The following DLC1 variants were observed in gnomAD, a reference collection of about 807,000 sequenced individuals.
DLC1 encodes the protein rho GTPase-activating protein 7.
DLC1 carries 54 observed loss-of-function variants against 140.3 expected under a neutral mutation model. The ratio of observed to expected loss-of-function variants is 0.38; its 90% CI spans 0.31 to 0.48. The LOEUF (loss-of-function observed/expected upper bound fraction) is 0.48. Ranked by LOEUF, DLC1 falls within the 20% of genes least tolerant of loss-of-function variation. The pLI, the probability that DLC1 is intolerant of heterozygous loss-of-function variation, is 0.96. For missense variants in DLC1, 2,536 were observed against 1,907.0 expected (o/e 1.33, Z -6.14); for synonymous variants, 986 against 728.1 (o/e 1.35, Z -5.70).
chr8:13,138,405 C>G (rs1446065833), intron 5 of DLC1, among the ~76,000 whole-genome samples: 7 of 152,218 alleles, frequency 4.6e-5, no homozygotes, highest in African/African-American at 1.4e-4. Flanking sequence ...TTAATTTTAA[C>G]TTTGGGCTTT....
At chr8:13,524,082 C>T (rs13281337) in intron 1 of DLC1, among the ~76,000 whole-genome samples, 18,382 of 149,418 alleles carry the variant, frequency 0.12, 1,500 homozygotes, top group Non-Finnish European at 0.19. Context: ...CTCAGCTAGC[C>T]ACCATCACAG....
At chr8:13,304,640 C>T (rs1409423001) in intron 5 of DLC1, 11 of 909,868 alleles carry the variant, frequency 1.2e-5, no homozygotes, top group East Asian at 1.2e-4. Context: ...AATCTGTTTT[C>T]GTTTTTATTA....
chr8:13,465,192 C>A (rs1799875656), intron 2 of DLC1, among the ~76,000 whole-genome samples: 1 of 152,114 alleles, frequency 6.6e-6, no homozygotes, highest in African/African-American at 2.4e-5. Context: ...TTATTATGAG[C>A]AGTAATGCAA....
At chr8:13,481,249 A>T (rs1219185156) in intron 2 of DLC1, among the ~76,000 whole-genome samples, 2 of 151,988 alleles carry the variant, frequency 1.3e-5, no homozygotes, top group Admixed American at 1.3e-4. Flanking sequence ...ATATGACAAA[A>T]CCCCATCTCC....
chr8:13,348,599 G>C (rs949825534), intron 4 of DLC1, among the ~76,000 whole-genome samples: 6 of 152,162 alleles, frequency 3.9e-5, no homozygotes, highest in Admixed American at 3.9e-4. Flanking sequence ...TAGGAATGGA[G>C]GGCATGGTTT....
At chr8:13,170,202 G>T (rs995161254) in intron 5 of DLC1, among the ~76,000 whole-genome samples, 2 of 152,156 alleles carry the variant, frequency 1.3e-5, no homozygotes, top group African/African-American at 4.8e-5. Context: ...ATTCTTTAGA[G>T]ATGGAGATGT....
chr8:13,440,221 T>C (rs553010615), intron 2 of DLC1, among the ~76,000 whole-genome samples: 2 of 152,292 alleles, frequency 1.3e-5, no homozygotes, highest in Admixed American at 1.3e-4. Flanking sequence ...CTTGTAGAAA[T>C]AGGGTTCTAT....
chr8:13,503,771 A>G (rs935932662), intron 1 of DLC1, among the ~76,000 whole-genome samples: 9 of 152,210 alleles, frequency 5.9e-5, no homozygotes, highest in Non-Finnish European at 1.3e-4. Context: ...CCTGAATTGT[A>G]TAGTCTACCT....
At chr8:13,569,978 A>G (rs1375187722) in intron 1 of DLC1, among the ~76,000 whole-genome samples, 1 of 152,210 alleles carries the variant, frequency 6.6e-6, no homozygotes, top group Non-Finnish European at 1.5e-5. Flanking sequence ...CTCCTGTCTC[A>G]GCCTTCCCAA....
chr8:13,256,550 G>A (rs887886313), intron 5 of DLC1, among the ~76,000 whole-genome samples: 5 of 152,074 alleles, frequency 3.3e-5, no homozygotes, highest in Admixed American at 3.3e-4. Context: ...GCCATAAAAA[G>A]GAATGAGTTC....
chr8:13,170,714 A>G (rs1825413435), intron 5 of DLC1, among the ~76,000 whole-genome samples: 1 of 145,376 alleles, frequency 6.9e-6, no homozygotes, highest in Non-Finnish European at 1.5e-5. Flanking sequence ...TGGGCGACAG[A>G]GCAAGACTCC....
chr8:13,385,163 G>T lies in DLC1; in HGVS notation c.1314+8390C>A, dbSNP rs73205746. ...TTAGTGCTTGTTTGCATCATTCTCT[G>T]CATTTCATATTATAACTAATTTGGT... On this transcript the variant is annotated intron_variant, in intron 4 of 17. Coordinates refer to ENST00000276297, the MANE Select transcript of DLC1 (RefSeq NM_182643.3). 3.4e-3 allele frequency among the ~76,000 whole-genome samples: 521 copies of T among 152,136 alleles called. 1 individual carries two copies. The highest frequency in any genetic ancestry group is 0.014 in the Middle Eastern group (4 of 294).
intron 2 of DLC1, among the ~76,000 whole-genome samples, chr8:13,428,992 C>T (rs1254970121): frequency 1.3e-5 from 2 of 152,162 alleles, no homozygotes; most frequent in Admixed American, 1.3e-4. Context: ...CCACTGGATT[C>T]AGTGATCTCT....
chr8:13,395,267 G>A (rs908467652), intron 3 of DLC1, among the ~76,000 whole-genome samples: 1 of 151,876 alleles, frequency 6.6e-6, no homozygotes, highest in African/African-American at 2.4e-5. Flanking sequence ...GATTACAGGT[G>A]CACACCACCA....
At chr8:13,429,433 T>A in intron 2 of DLC1, among the ~76,000 whole-genome samples, 1 of 130,052 alleles carries the variant, frequency 7.7e-6, no homozygotes, top group Non-Finnish European at 1.8e-5. Context: ...AGTCTAGGCA[T>A]CCATATTAAA....
intron 2 of DLC1, among the ~76,000 whole-genome samples, chr8:13,431,503 A>AC (rs1838866934): frequency 6.9e-6 from 1 of 144,510 alleles, no homozygotes; most frequent in African/African-American, 2.5e-5. Flanking sequence ...AAAAAAAAAA[A>AC]AAAAAAAAAA....
At chr8:13,506,581 G>GTATATA (rs36209609) in intron 1 of DLC1, among the ~76,000 whole-genome samples, 2 of 131,130 alleles carry the variant, frequency 1.5e-5, no homozygotes, top group South Asian at 2.5e-4. Flanking sequence ...GTGTGTGTGT[G>GTATATA]TATATATATA....
intron 1 of DLC1, among the ~76,000 whole-genome samples, chr8:13,506,215 G>T (rs962821102): frequency 1.3e-5 from 2 of 151,972 alleles, no homozygotes; most frequent in Non-Finnish European, 2.9e-5. Flanking sequence ...ACATAAATAT[G>T]TATATGTAAA....
At chr8:13,095,398 T>C (rs910832457) in intron 10 of DLC1, 153 bp from the exon 11 acceptor site, 29 of 932,856 alleles carry the variant, frequency 3.1e-5, no homozygotes, top group Admixed American at 1.0e-4. Flanking sequence ...ACAAATTCAG[T>C]TCCCCAGTGG....
Sources: allele counts gnomAD v4.1 joint callset (sites outside exome capture counted in the v4.1 genomes callset), GRCh38; gene constraint gnomAD v4.1.1; transcripts MANE v1.5; gene names NCBI Gene and HGNC (gene_info 2026-07-23, HGNC 2026-07-21).